SLC25A48: variants seen among roughly 807,000 people sequenced by gnomAD.
SLC25A48 encodes solute carrier family 25 member 48, also known as CTC-321K16.1.
Under a neutral mutation model 32.2 loss-of-function variants are expected in SLC25A48, and 29 were observed. The observed-to-expected ratio is 0.90, with a 90% confidence interval of 0.67 to 1.23. The LOEUF (loss-of-function observed/expected upper bound fraction) is 1.23. SLC25A48 is among the 50% of genes most tolerant of loss of function. SLC25A48 has a pLI of 0.00. For missense variants in SLC25A48, 399 were observed against 422.7 expected (o/e 0.94, Z 0.49); for synonymous variants, 164 against 172.3 (o/e 0.95, Z 0.38).
chr5:135,654,113 C>T (rs1753185156), intron 3 of SLC25A48, among the ~76,000 whole-genome samples: 1 of 152,152 alleles, frequency 6.6e-6, no homozygotes, highest in Non-Finnish European at 1.5e-5. Flanking sequence ...AAATGGGCAA[C>T]CGTCTAGGGA....
chr5:135,606,371 A>G (rs1327856878), intron 1 of SLC25A48, among the ~76,000 whole-genome samples: 1 of 152,254 alleles, frequency 6.6e-6, no homozygotes, highest in East Asian at 1.9e-4. Flanking sequence ...TAAATAGTTG[A>G]GAAGCATTGA....
At chr5:135,857,111 G>A (rs1268245103) in intron 4 of SLC25A48, among the ~76,000 whole-genome samples, 1 of 152,208 alleles carries the variant, frequency 6.6e-6, no homozygotes. Context: ...GCCAAGGGAG[G>A]TGTTTCCCAA....
chr5:135,869,083 T>C (rs1214703690), intron 4 of SLC25A48, among the ~76,000 whole-genome samples: 1 of 152,312 alleles, frequency 6.6e-6, no homozygotes, highest in Admixed American at 6.5e-5. Flanking sequence ...TTGTTAGCAA[T>C]AGATAAATCT....
intron 3 of SLC25A48, among the ~76,000 whole-genome samples, chr5:135,679,266 A>G (rs1001483396): frequency 9.9e-5 from 15 of 152,200 alleles, no homozygotes; most frequent in Admixed American, 6.5e-4. Context: ...GCCTGACTGC[A>G]GGCCCCCAGT....
chr5:135,796,190 T>C (rs1472770373), intron 3 of SLC25A48, among the ~76,000 whole-genome samples: 1 of 151,712 alleles, frequency 6.6e-6, no homozygotes, highest in African/African-American at 2.4e-5. Context: ...CCCCCTGTGA[T>C]ATGGTTCGCA....
chr5:135,779,688 ATT>A (rs1756673295), intron 3 of SLC25A48, among the ~76,000 whole-genome samples: 1 of 117,492 alleles, frequency 8.5e-6, no homozygotes, highest in Non-Finnish European at 2.1e-5. Flanking sequence ...ACCCGGTAAT[ATT>A]GTTTTTAATA....
intron 3 of SLC25A48, among the ~76,000 whole-genome samples, chr5:135,771,587 G>T (rs1756412043): frequency 6.6e-6 from 1 of 151,438 alleles, no homozygotes; most frequent in African/African-American, 2.4e-5. Flanking sequence ...TAATATCTAG[G>T]GGGGAAGAGA....
intron 3 of SLC25A48, among the ~76,000 whole-genome samples, chr5:135,636,146 C>G (rs1325302061): frequency 6.6e-6 from 1 of 152,146 alleles, no homozygotes; most frequent in African/African-American, 2.4e-5. Context: ...CACCAGATTG[C>G]CCACATATAG....
intron 3 of SLC25A48, among the ~76,000 whole-genome samples, chr5:135,743,618 C>T (rs1338928820): frequency 6.6e-6 from 1 of 152,168 alleles, no homozygotes; most frequent in Non-Finnish European, 1.5e-5. Context: ...AATAAAATGT[C>T]TCATTACTGC....
intron 3 of SLC25A48, among the ~76,000 whole-genome samples, chr5:135,638,451 G>C (rs182480729): frequency 2.0e-5 from 3 of 152,176 alleles, no homozygotes; most frequent in Non-Finnish European, 1.5e-5. Context: ...CAACACCCTG[G>C]TGATATCAAT....
chr5:135,650,690 G>A (rs375459186), intron 3 of SLC25A48, among the ~76,000 whole-genome samples: 32 of 152,278 alleles, frequency 2.1e-4, no homozygotes, highest in African/African-American at 7.2e-4. Flanking sequence ...AGGACCACAA[G>A]GTTTGTTTTT....
At chr5:135,772,453 C>G (rs577878785) in intron 3 of SLC25A48, among the ~76,000 whole-genome samples, 6 of 151,544 alleles carry the variant, frequency 4.0e-5, no homozygotes, top group Non-Finnish European at 7.4e-5. Context: ...GGGTGTACAG[C>G]CTTCTGTGTT....
intron 1 of SLC25A48, among the ~76,000 whole-genome samples, chr5:135,839,313 G>A (rs1382576525): frequency 6.6e-6 from 1 of 152,302 alleles, no homozygotes; most frequent in South Asian, 2.1e-4. Flanking sequence ...GTGTGACCTG[G>A]ATATGAAACA....
intron 3 of SLC25A48, among the ~76,000 whole-genome samples, chr5:135,742,220 C>T (rs1580832041): frequency 6.6e-6 from 1 of 152,194 alleles, no homozygotes; most frequent in African/African-American, 2.4e-5. Context: ...GCTGGGATTA[C>T]AGGCCTGTGC....
chr5:135,866,130 T>G lies in SLC25A48; in HGVS notation c.422-5331T>G, dbSNP rs1761184934. Among the ~76,000 whole-genome samples the G allele has an allele frequency of 2.0e-5, 3 of 152,210 alleles. No homozygotes were observed. In the South Asian group the frequency reaches 6.2e-4, roughly 32 times the overall value. ...TAGGGCCTCATTTGTGGATGGCTGA[T>G]TTGTGAAGGATTTTCTGTAGAAAGT... On this transcript the variant is annotated intron_variant, in intron 4 of 7. Coordinates refer to ENST00000681962, the MANE Select transcript of SLC25A48 (RefSeq NM_001349336.2).
intron 3 of SLC25A48, among the ~76,000 whole-genome samples, chr5:135,643,077 G>A (rs928563113): frequency 4.6e-5 from 7 of 152,206 alleles, no homozygotes; most frequent in Admixed American, 1.3e-4. Context: ...TCTGGGGTGC[G>A]CTGAATAGAC....
At position 135,728,427 on chromosome 5, in the gene SLC25A48, A is replaced by G. The variant is rs140015271; in HGVS notation, c.-520-84096A>G. Among the ~76,000 whole-genome samples, 150 of 152,326 alleles carry G rather than the reference A, an allele frequency of 9.8e-4. 2 individuals are homozygous for G. The East Asian group carries it at 0.028, about 28-fold the overall frequency. ...ATCTTTCACCCAACAATATAAGTGA[A>G]TATGATGACCCTTTTTCCGTGGTGA... On this transcript the variant is annotated intron_variant, in intron 3 of 10. Transcript: ENST00000646290.
chr5:135,886,015 G>A (rs1762700340), intron 7 of SLC25A48, among the ~76,000 whole-genome samples: 1 of 152,066 alleles, frequency 6.6e-6, no homozygotes, highest in Non-Finnish European at 1.5e-5. Context: ...ATTTAATAGT[G>A]GCTATTTCTG....
intron 4 of SLC25A48, among the ~76,000 whole-genome samples, chr5:135,816,002 T>C (rs903529721): frequency 1.3e-5 from 2 of 152,222 alleles, no homozygotes; most frequent in Non-Finnish European, 2.9e-5. Flanking sequence ...CAGTTCCATA[T>C]GGCTGGGGAG....
Sources: allele counts gnomAD v4.1 joint callset (sites outside exome capture counted in the v4.1 genomes callset), GRCh38; gene constraint gnomAD v4.1.1; transcripts MANE v1.5; gene names NCBI Gene and HGNC (gene_info 2026-07-23, HGNC 2026-07-21).